E2F6: variants seen among roughly 807,000 people sequenced by gnomAD.
E2F6 encodes the protein transcription factor E2F6.
Under a neutral mutation model 31.5 loss-of-function variants are expected in E2F6, and 19 were observed. The ratio of observed to expected loss-of-function variants is 0.60; its 90% CI spans 0.42 to 0.89. The LOEUF is 0.89. E2F6 is among the 40% of genes least tolerant of loss of function. The pLI is 0.00. For missense variants in E2F6, 269 were observed against 341.6 expected, an observed-to-expected ratio of 0.79 and a Z score of 1.67; for synonymous variants, 121 against 127.7, an observed-to-expected ratio of 0.95 and a Z score of 0.36.
At chr2:11,447,349 G>A (rs1670781682) in intron 6 of E2F6, among the ~76,000 whole-genome samples, 1 of 152,300 alleles carries the variant, frequency 6.6e-6, no homozygotes, top group Admixed American at 6.5e-5. Context: ...GCCGAGTGGA[G>A]CTGCTGTTTG....
At chr2:11,462,395 A>G (rs1300002423) in intron 1 of E2F6, among the ~76,000 whole-genome samples, 4 of 152,242 alleles carry the variant, frequency 2.6e-5, no homozygotes, top group Non-Finnish European at 4.4e-5. Context: ...AGCTAATAAT[A>G]AAATACAACA....
In E2F6 at chr2:11,453,660, C is replaced by T; in HGVS notation, c.302G>A (p.Arg101Gln). The change falls in exon 3 of 7, where the codon CGG (arginine) becomes CAG (glutamine). Residue 101 changes from arginine to glutamine, a missense_variant. Transcript: ENST00000381525. The stretch of plus-strand genomic sequence containing the variant: ...GACATTGGTGATGTCATACACTCTC[C>T]GCTTTCGGACTCCCAGTTTCGTTGC... ...KVATKLGVRK[R>Q]RVYDITNVLD... is the part of the protein sequence containing the mutation. The T allele has an allele frequency of 6.2e-7, 1 of 1,614,120 alleles. No homozygotes were observed. Among genetic ancestry groups the T allele is most frequent in the Non-Finnish European group, 8.5e-7 (1 of 1,180,032 alleles).
At position 11,465,908 on chromosome 2, in the gene E2F6, C is replaced by A. The variant is rs955865909; in HGVS notation, c.-29G>T. On this transcript the variant is annotated 5_prime_UTR_variant, in exon 1 of 7. Coordinates refer to ENST00000381525, the MANE Select transcript of E2F6 (RefSeq NM_198256.4). The stretch of plus-strand genomic sequence containing the variant: ...GCCCGGCCGGGCGTCCTGCTCCCCT[C>A]GCACCCCACGAGCTCTCCCGCCCTC... The A allele has an allele frequency of 1.3e-6, 2 of 1,506,972 alleles. No homozygotes were observed. Among genetic ancestry groups the A allele is most frequent in the South Asian group, 1.3e-5 (1 of 78,702 alleles). The allele number at this position is 1,506,972 out of a possible 1,614,324, so 93.4% of individuals were successfully genotyped here.
intron 1 of E2F6, among the ~76,000 whole-genome samples, chr2:11,457,944 A>T (rs1001825550): frequency 6.6e-5 from 10 of 152,238 alleles, no homozygotes; most frequent in African/African-American, 2.4e-4. Flanking sequence ...AAATTCCTGA[A>T]ACAACCAGGA....
At position 11,465,811 on chromosome 2, in the gene E2F6, G is replaced by C; in HGVS notation, c.69C>G (p.Arg23=). The C allele has an allele frequency of 6.3e-7, 1 of 1,599,816 alleles. No individual in the cohort carries two copies. Among genetic ancestry groups the C allele is most frequent in the Non-Finnish European group, 8.5e-7 (1 of 1,174,196 alleles). The change falls in exon 1 of 7, where the codon CGC becomes CGG. Residue 23 remains arginine (R), a synonymous_variant. Transcript: ENST00000381525. ...LLLDPTEETV[R]RRCRDPINVE... is the part of the protein sequence containing the mutation. ...CGTTGATGGGGTCTCGGCACCGACG[G>C]CGAACCGTCTCCTCCGTCGGGTCCA...
At chr2:11,453,981 A>C (rs1310407951) in intron 2 of E2F6, among the ~76,000 whole-genome samples, 183 bp from the exon 3 acceptor site, 1 of 152,222 alleles carries the variant, frequency 6.6e-6, no homozygotes, top group East Asian at 1.9e-4. Context: ...TCACTGGCCT[A>C]TCCTGGCTCT....
intron 1 of E2F6, among the ~76,000 whole-genome samples, chr2:11,459,916 T>C (rs1329807788): frequency 1.3e-5 from 2 of 152,028 alleles, no homozygotes; most frequent in African/African-American, 4.8e-5. Flanking sequence ...AGGCAGATTG[T>C]TTGCATGCTA....
In E2F6 at chr2:11,465,990, A is replaced by G. The variant is rs1572523393; in HGVS notation, c.-111T>C. ...GCCGATTTCCAAGGGCCCAGCACCT[A>G]AGGGGTCCGCGGCTTCCTCCGAGGC... On this transcript the variant is annotated 5_prime_UTR_variant, in exon 1 of 7. It removes the in-frame stop codon of an upstream open reading frame in the 5' UTR. Coordinates refer to ENST00000381525, the MANE Select transcript of E2F6 (RefSeq NM_198256.4). The G allele has an allele frequency of 1.5e-5, 15 of 997,110 alleles. No homozygotes were observed. The highest frequency in any genetic ancestry group is 2.1e-5 in the Non-Finnish European group (15 of 721,222). 61.8% of individuals were successfully genotyped at this position (997,110 alleles called of 1,614,324 possible).
chr2:11,458,032 T>G (rs1268260852), intron 1 of E2F6, among the ~76,000 whole-genome samples: 1 of 152,238 alleles, frequency 6.6e-6, no homozygotes, highest in Non-Finnish European at 1.5e-5. Context: ...ATAAAACTGG[T>G]AGTAACATTT....
In E2F6 at chr2:11,465,276, G is replaced by T. The variant is rs543623739; in HGVS notation, c.108+496C>A. Among the ~76,000 whole-genome samples the T allele has an allele frequency of 2.6e-5, 4 of 152,042 alleles. No individual in the cohort carries two copies. In the East Asian group the frequency reaches 7.7e-4, roughly 29 times the overall value. ...CGCGGGGAATACAGCATCTGGTCCT[G>T]AACAAGAGAAGAAATCAGCCTTTGC... On this transcript the variant is annotated intron_variant, in intron 1 of 6. Transcript: ENST00000381525.
chr2:11,457,817 T>G (rs912431772), intron 1 of E2F6, among the ~76,000 whole-genome samples: 1 of 152,230 alleles, frequency 6.6e-6, no homozygotes, highest in Non-Finnish European at 1.5e-5. Flanking sequence ...CAAGCTTTCA[T>G]AGGCAGCTAT....
Position 11,446,543 on chromosome 2 carries a change from A to G in E2F6, c.800-20T>C, listed in dbSNP as rs1670724095. ...TTTCTTCTGGAAAAGAACACGAGAG[A>G]GAAATACACCTAAGTGAATACACCT... On this transcript the variant is annotated intron_variant, in intron 6 of 6. Transcript: ENST00000381525. The G allele has an allele frequency of 6.2e-7, 1 of 1,610,606 alleles. No homozygotes were observed. The highest frequency in any genetic ancestry group is 8.5e-7 in the Non-Finnish European group (1 of 1,177,066).
chr2:11,459,640 G>A (rs1348413298), intron 1 of E2F6, among the ~76,000 whole-genome samples: 4 of 152,116 alleles, frequency 2.6e-5, no homozygotes, highest in Non-Finnish European at 4.4e-5. Flanking sequence ...AGGACTTTGG[G>A]AGGCGGGGTG....
chr2:11,465,487 C>A (rs1250189278), intron 1 of E2F6, among the ~76,000 whole-genome samples: 1 of 152,180 alleles, frequency 6.6e-6, no homozygotes, highest in African/African-American at 2.4e-5. Context: ...CAGCTAGAGT[C>A]CATAGAAGGA....
intron 5 of E2F6, 21 bp from the exon 6 acceptor site, chr2:11,447,795 C>T (rs368492081): frequency 1.0e-5 from 16 of 1,591,906 alleles, no homozygotes; most frequent in Non-Finnish European, 1.1e-5. Flanking sequence ...ACACAGGAAT[C>T]GTCAAGATGA....
intron 1 of E2F6, among the ~76,000 whole-genome samples, chr2:11,463,063 T>C (rs78995424): frequency 9.6e-4 from 146 of 152,356 alleles, no homozygotes; most frequent in African/African-American, 3.5e-3. Flanking sequence ...TATCTGCTGA[T>C]ACTACATGCA....
At chr2:11,453,356 A>C (rs1671192041) in intron 3 of E2F6, among the ~76,000 whole-genome samples, 2 of 152,202 alleles carry the variant, frequency 1.3e-5, no homozygotes, top group Non-Finnish European at 2.9e-5. Context: ...TTACAACCTT[A>C]ACAAATTTTC....
rs181487270 is a variant in E2F6 at position 11,455,512 on chromosome 2, G to C, written c.163+1667C>G. On this transcript the variant is annotated intron_variant, in intron 2 of 6. Coordinates refer to ENST00000381525, the MANE Select transcript of E2F6 (RefSeq NM_198256.4). ...TAGGCGTAAATTAGGAATTTAAAAG[G>C]ATTTTTAATCGGAAGTAGAGGGTCA... 4.7e-6 allele frequency: 6 copies of C among 1,268,170 alleles called. No homozygotes were observed. In the African/African-American group the frequency reaches 9.2e-5, roughly 20 times the overall value. 78.6% of individuals were successfully genotyped at this position (1,268,170 alleles called of 1,614,324 possible).
intron 2 of E2F6, 147 bp from the exon 3 acceptor site, chr2:11,453,945 TA>T (rs1671234073): frequency 1.4e-6 from 1 of 711,248 alleles, no homozygotes; most frequent in Non-Finnish European, 2.3e-6. Context: ...TTCTATGAAA[TA>T]AATCTCTTAA....
Sources: allele counts gnomAD v4.1 joint callset (sites outside exome capture counted in the v4.1 genomes callset), GRCh38; gene constraint gnomAD v4.1.1; transcripts MANE v1.5; gene names NCBI Gene and HGNC (gene_info 2026-07-23, HGNC 2026-07-21).